Variants in RAD51B observed in about 807,000 individuals in gnomAD.
RAD51B encodes DNA repair protein RAD51 homolog 2.
A neutral mutation model predicts 42.2 loss-of-function variants in RAD51B; 38 were observed. That is an observed-to-expected ratio of 0.90 (90% CI 0.70 to 1.18). The LOEUF (loss-of-function observed/expected upper bound fraction) is 1.18, where lower values mean the gene tolerates loss of function less well. RAD51B is among the 50% of genes most tolerant of loss of function. RAD51B has a pLI of 0.00. For missense variants in RAD51B, 373 were observed against 400.7 expected (o/e 0.93, Z 0.59); for synonymous variants, 154 against 145.2 (o/e 1.06, Z -0.43).
At chr14:68,586,654 G>A (rs1249044626) in intron 10 of RAD51B, among the ~76,000 whole-genome samples, 1 of 152,158 alleles carries the variant, frequency 6.6e-6, no homozygotes, top group Non-Finnish European at 1.5e-5. Flanking sequence ...CGGCTTCACA[G>A]ACACTCCCAT....
intron 7 of RAD51B, among the ~76,000 whole-genome samples, chr14:68,094,159 A>G (rs1302236233): frequency 6.6e-6 from 1 of 152,196 alleles, no homozygotes; most frequent in Non-Finnish European, 1.5e-5. Context: ...ACGATTTAAG[A>G]TTTCATGTTG....
At position 68,565,208 on chromosome 14, in the gene RAD51B, C is replaced by G. The variant is rs1038277033; in HGVS notation, c.1037-29277C>G. Among the ~76,000 whole-genome samples the G allele has an allele frequency of 6.6e-6, 1 of 152,204 alleles. No homozygotes were observed. The highest frequency in any genetic ancestry group is 2.4e-5 in the African/African-American group (1 of 41,440). Reference sequence around the variant, plus strand: ...GTCCTTGATGTGGATCCAAGGGAAGCAGTGCCTTTGAAGTCAGCAGCAACC... The same window carrying G: ...GTCCTTGATGTGGATCCAAGGGAAGGAGTGCCTTTGAAGTCAGCAGCAACC... On this transcript the variant is annotated intron_variant, in intron 10 of 10. Coordinates refer to the RAD51B transcript ENST00000487270. The surrounding 1 kb of genome is among the most constrained non-coding windows in gnomAD (Gnocchi z 4.1).
intron 10 of RAD51B, among the ~76,000 whole-genome samples, chr14:68,508,995 T>C (rs1452154149): frequency 6.6e-6 from 1 of 152,226 alleles, no homozygotes; most frequent in African/African-American, 2.4e-5. Context: ...TTTCTGTCTC[T>C]GCCCCGCTAG....
intron 7 of RAD51B, among the ~76,000 whole-genome samples, chr14:68,145,719 C>T (rs1259404290): frequency 1.3e-5 from 2 of 152,158 alleles, no homozygotes; most frequent in African/African-American, 2.4e-5. Flanking sequence ...GTGATTCATA[C>T]ATTTCCCTTT....
intron 8 of RAD51B, among the ~76,000 whole-genome samples, chr14:68,320,279 T>A (rs1174205984): frequency 6.6e-6 from 1 of 152,232 alleles, no homozygotes; most frequent in Non-Finnish European, 1.5e-5. Context: ...CTAGAAGATG[T>A]TAACTTTGGA....
intron 7 of RAD51B, among the ~76,000 whole-genome samples, chr14:67,934,953 T>C (rs936648971): frequency 6.6e-5 from 10 of 152,258 alleles, no homozygotes; most frequent in African/African-American, 2.2e-4. Context: ...GACAGCACCA[T>C]ACTCTCCTCT....
chr14:68,608,090 G>A (rs574843202), intron 10 of RAD51B, among the ~76,000 whole-genome samples: 1 of 152,320 alleles, frequency 6.6e-6, no homozygotes, highest in East Asian at 1.9e-4. Context: ...AGGCCTGAGG[G>A]TTGGGCACAG....
chr14:68,081,596 A>G (rs955129287), intron 7 of RAD51B, among the ~76,000 whole-genome samples: 3 of 152,256 alleles, frequency 2.0e-5, no homozygotes, highest in Non-Finnish European at 4.4e-5. Flanking sequence ...TGTTATTTCA[A>G]AATTCTATTG....
At chr14:68,374,134 G>A (rs1228669679) in intron 8 of RAD51B, among the ~76,000 whole-genome samples, 5 of 152,196 alleles carry the variant, frequency 3.3e-5, no homozygotes, top group Non-Finnish European at 7.3e-5. Flanking sequence ...CTCCCATATA[G>A]TCAATCCTGG....
At chr14:67,939,756 G>A (rs757933905) in intron 7 of RAD51B, among the ~76,000 whole-genome samples, 7 of 151,810 alleles carry the variant, frequency 4.6e-5, no homozygotes, top group Non-Finnish European at 8.8e-5. Flanking sequence ...CCATCACAGG[G>A]ACTCCAGCTT....
At chr14:68,340,045 CA>C (rs2082540533) in intron 8 of RAD51B, among the ~76,000 whole-genome samples, 1 of 152,156 alleles carries the variant, frequency 6.6e-6, no homozygotes, top group South Asian at 2.1e-4. Context: ...AGGAATGTAA[CA>C]TAGTGCCTGG....
At chr14:68,180,326 A>G (rs989666241) in intron 7 of RAD51B, among the ~76,000 whole-genome samples, 6 of 152,112 alleles carry the variant, frequency 3.9e-5, no homozygotes, top group African/African-American at 1.4e-4. Flanking sequence ...CTGCTTACTA[A>G]TGGCTCAGTT....
In RAD51B at chr14:68,610,843, ATG is replaced by A. The variant is rs60173412; in HGVS notation, c.1037-121_1037-120del. 6.5e-3 allele frequency among the ~76,000 whole-genome samples: 939 copies of A among 144,972 alleles called. 4 individuals carry two copies. Among genetic ancestry groups the A allele is most frequent in the Admixed American group, 7.6e-3 (111 of 14,548 alleles). On this transcript the variant is annotated intron_variant, in intron 10 of 10. Transcript: ENST00000487861. ...CTATTATAACCACATCTGAATGTAT[ATG>A]TGTGTGTGTGTGTGTGTGTGTGTGT...
chr14:68,615,711 GTCT>G (rs2140111794), downstream of RAD51B, among the ~76,000 whole-genome samples: 1 of 152,202 alleles, frequency 6.6e-6, no homozygotes, highest in African/African-American at 2.4e-5. Flanking sequence ...TTGTCCTAAA[GTCT>G]TCTTTTTTTA....
chr14:67,963,970 A>G (rs943486174), intron 7 of RAD51B, among the ~76,000 whole-genome samples: 1 of 151,900 alleles, frequency 6.6e-6, no homozygotes, highest in Admixed American at 6.6e-5. Flanking sequence ...ACATAGGGAA[A>G]CCAAATTTAA....
chr14:68,639,101 G>A (rs951026184), intron 10 of RAD51B, among the ~76,000 whole-genome samples: 6 of 152,172 alleles, frequency 3.9e-5, no homozygotes, highest in Non-Finnish European at 5.9e-5. Context: ...AGCTTCCTTG[G>A]GGGAGGGGAG....
intron 7 of RAD51B, among the ~76,000 whole-genome samples, chr14:68,102,490 A>G (rs1356297206): frequency 6.6e-6 from 1 of 152,174 alleles, no homozygotes; most frequent in Non-Finnish European, 1.5e-5. Context: ...GCATAACAAG[A>G]GTCAACTTTG....
chr14:68,057,559 A>G (rs1401797296), intron 7 of RAD51B, among the ~76,000 whole-genome samples: 3 of 152,160 alleles, frequency 2.0e-5, no homozygotes, highest in Admixed American at 2.0e-4. Context: ...AATATATAAA[A>G]GATATCAAAA....
At chr14:68,242,972 T>A (rs959149310) in intron 7 of RAD51B, among the ~76,000 whole-genome samples, 1 of 152,142 alleles carries the variant, frequency 6.6e-6, no homozygotes, top group African/African-American at 2.4e-5. Context: ...CTGATCATAC[T>A]CCCCATAGGA....
Sources: gnomAD v4.1 joint callset for allele counts (sites outside exome capture counted in the v4.1 genomes callset) on GRCh38, gnomAD v4.1.1 for gene constraint, Gnocchi (gnomAD v3.1) non-coding constraint, MANE v1.5 for transcripts, NCBI Gene and HGNC (gene_info 2026-07-23, HGNC 2026-07-21) for gene names.